Variants in FRMD4A observed in about 807,000 individuals in gnomAD.
FRMD4A encodes FERM domain containing 4A, also known as FERM domain-containing protein 4A.
In FRMD4A, 29 loss-of-function variants were observed where a neutral mutation model predicts 129.1. That is an observed-to-expected ratio of 0.22 (90% CI 0.17 to 0.31). The LOEUF (loss-of-function observed/expected upper bound fraction) is 0.31, where lower values mean the gene tolerates loss of function less well. Among genes scored for constraint, FRMD4A ranks in the 10% least tolerant of loss-of-function variants. The pLI is 1.00. For synonymous variants in FRMD4A, 634 were observed against 571.6 expected (o/e 1.11, Z -1.56); for missense variants, 1,272 against 1,375.8 (o/e 0.92, Z 1.19).
At chr10:13,866,135 C>T (rs2094364659) in intron 2 of FRMD4A, 1 of 164,338 alleles carries the variant, frequency 6.1e-6, no homozygotes, top group East Asian at 1.9e-4. Flanking sequence ...AAACAACCTT[C>T]CAAGATATGC....
intron 2 of FRMD4A, among the ~76,000 whole-genome samples, chr10:14,102,723 A>G (rs1837371683): frequency 6.6e-6 from 1 of 151,630 alleles, no homozygotes; most frequent in Non-Finnish European, 1.5e-5. Flanking sequence ...CTCAAATTAG[A>G]TGGATTTGGC....
At chr10:13,812,700 A>G (rs529462642) in intron 3 of FRMD4A, among the ~76,000 whole-genome samples, 1 of 152,176 alleles carries the variant, frequency 6.6e-6, no homozygotes, top group African/African-American at 2.4e-5. Context: ...GGCCTAGATG[A>G]CCATCAATTC....
intron 2 of FRMD4A, among the ~76,000 whole-genome samples, chr10:13,913,646 C>A (rs2094967381): frequency 6.6e-6 from 1 of 152,108 alleles, no homozygotes; most frequent in South Asian, 2.1e-4. Context: ...TGAGCTCCTG[C>A]AACATGCCAG....
At chr10:14,079,490 G>T (rs1433939582) in intron 2 of FRMD4A, among the ~76,000 whole-genome samples, 4 of 152,146 alleles carry the variant, frequency 2.6e-5, no homozygotes, top group African/African-American at 9.7e-5. Flanking sequence ...TTAAAATTAT[G>T]GTTCCTGATT....
rs117770717 is a variant in FRMD4A, at chr10:13,964,680, T to C, written c.46-105768A>G. 0.019 allele frequency among the ~76,000 whole-genome samples: 2,943 copies of C among 151,426 alleles called. 187 individuals are homozygous for C. The East Asian group carries it at 0.2, about 10-fold the overall frequency. On this transcript the variant is annotated intron_variant, in intron 2 of 24. Coordinates refer to ENST00000357447, the MANE Select transcript of FRMD4A (RefSeq NM_018027.5). Reference sequence around the variant, plus strand: ...AACTAATGCCTCTTCTTTTGTTTTTTTTTTTTTTTTGAGACAGAGTTTCGC... The same window carrying C: ...AACTAATGCCTCTTCTTTTGTTTTTCTTTTTTTTTTGAGACAGAGTTTCGC...
chr10:14,330,873 C>A lies in FRMD4A; in HGVS notation c.-358G>T. 2.5e-6 allele frequency: 1 copy of A among 398,700 alleles called. No homozygotes were observed. The highest frequency in any genetic ancestry group is 1.3e-4 in the South Asian group (1 of 7,846). The allele number at this position is 398,700 out of a possible 1,614,324, so 24.7% of individuals were successfully genotyped here. ...GGAACATGGAATTGCACTGCCTGTT[C>A]TGTGAGCGTTCTGATCTCCCTGGCT... On this transcript the variant is annotated 5_prime_UTR_variant, in exon 1 of 25. The change creates a premature stop within an existing upstream ORF in the 5' untranslated region. Coordinates refer to ENST00000357447, the MANE Select transcript of FRMD4A (RefSeq NM_018027.5).
intron 6 of FRMD4A, among the ~76,000 whole-genome samples, chr10:13,764,928 G>C (rs1455526837): frequency 6.6e-6 from 1 of 152,066 alleles, no homozygotes; most frequent in Non-Finnish European, 1.5e-5. Context: ...GCCGGGAACA[G>C]ACCCCCTACT....
intron 12 of FRMD4A, among the ~76,000 whole-genome samples, chr10:13,724,657 A>C (rs1157167532): frequency 6.6e-6 from 1 of 152,190 alleles, no homozygotes; most frequent in Admixed American, 6.5e-5. Context: ...CTGTAGAGTT[A>C]TTTAGAAGCC....
chr10:14,005,934 G>A (rs1214150231), intron 2 of FRMD4A, among the ~76,000 whole-genome samples: 1 of 152,194 alleles, frequency 6.6e-6, no homozygotes, highest in Non-Finnish European at 1.5e-5. Flanking sequence ...CGCGTCATTA[G>A]ATGCTGTGAG....
chr10:13,930,403 C>A (rs2095179901), intron 2 of FRMD4A, among the ~76,000 whole-genome samples: 1 of 152,204 alleles, frequency 6.6e-6, no homozygotes, highest in South Asian at 2.1e-4. Flanking sequence ...CTGGTCTCTG[C>A]CTGATAAGCC....
At chr10:13,866,178 C>A (rs907337479) in intron 2 of FRMD4A, 3 of 315,766 alleles carry the variant, frequency 9.5e-6, no homozygotes, top group Non-Finnish European at 1.4e-5. Flanking sequence ...ACTCCCCAAA[C>A]CACCTGAAAT....
chr10:13,830,050 C>T lies in FRMD4A; in HGVS notation c.112-19142G>A, dbSNP rs188110355. 4.4e-3 allele frequency among the ~76,000 whole-genome samples: 670 copies of T among 151,628 alleles called. 5 individuals are homozygous for T. The highest frequency in any genetic ancestry group is 0.015 in the African/African-American group (635 of 41,192). ...GTGTGCTTCCCCACATGCCCTAGCT[C>T]TCTCTCTCTCTCTTCCTTTCTCTTA... On this transcript the variant is annotated intron_variant, in intron 3 of 24. Transcript: ENST00000357447.
rs904337372 is a variant in FRMD4A, at chr10:14,212,899, G to T, written c.45+117159C>A. Among the ~76,000 whole-genome samples the T allele has an allele frequency of 3.9e-5, 6 of 152,188 alleles. No individual in the cohort carries two copies. In the East Asian group the frequency reaches 1.2e-3, roughly 29 times the overall value. On this transcript the variant is annotated intron_variant, in intron 2 of 24. Coordinates refer to ENST00000357447, the MANE Select transcript of FRMD4A (RefSeq NM_018027.5). The stretch of plus-strand genomic sequence containing the variant: ...AGTAGATTTCCCTCAAGGGTGTGAA[G>T]CCCTCGGAGAAGTCACTTACGGCAA...
chr10:13,881,009 A>G (rs2094540362), intron 2 of FRMD4A, among the ~76,000 whole-genome samples: 1 of 152,056 alleles, frequency 6.6e-6, no homozygotes, highest in Non-Finnish European at 1.5e-5. Flanking sequence ...ACCAATAGGT[A>G]TGTGTTGAAT....
rs1011046043 is a variant in FRMD4A at position 13,816,288 on chromosome 10, C to T, written c.112-5380G>A. On this transcript the variant is annotated intron_variant, in intron 3 of 24. Coordinates refer to ENST00000357447, the MANE Select transcript of FRMD4A (RefSeq NM_018027.5). ...TGAGGTTACAACTCCTGACTCTTAG[C>T]TGCTTTTAAAGCCACACACATTTTT... is the stretch of plus-strand genomic sequence containing the variant. Among the ~76,000 whole-genome samples, 7 of 152,204 alleles carry T rather than the reference C, an allele frequency of 4.6e-5. 1 individual carries two copies. In the East Asian group the frequency reaches 7.7e-4, roughly 17 times the overall value.
At chr10:13,747,601 A>G in intron 9 of FRMD4A, 135 bp downstream of exon 9, 1 of 441,828 alleles carries the variant, frequency 2.3e-6, no homozygotes, top group Admixed American at 3.7e-5. Context: ...TTTCAGGAAG[A>G]CACAGGGTAC....
chr10:14,324,524 T>C (rs1361487671), intron 2 of FRMD4A, among the ~76,000 whole-genome samples: 1 of 152,228 alleles, frequency 6.6e-6, no homozygotes, highest in Non-Finnish European at 1.5e-5. Context: ...CTGTATACAG[T>C]GGTTTAGGTG....
In FRMD4A at chr10:13,755,272, A is replaced by G. The variant is rs566823183; in HGVS notation, c.464+6375T>C. On this transcript the variant is annotated intron_variant, in intron 8 of 24. Transcript: ENST00000357447. The stretch of plus-strand genomic sequence containing the variant: ...AAGGCACCCTCTGGCCTGGCAAAAA[A>G]GACTTACAAACCTGGAATTTTCGGA... Among the ~76,000 whole-genome samples, 102 of 152,346 alleles carry G rather than the reference A, an allele frequency of 6.7e-4. 2 individuals are homozygous for G. Among genetic ancestry groups the G allele is most frequent in the Admixed American group, 1.9e-3 (29 of 15,308 alleles).
intron 2 of FRMD4A, among the ~76,000 whole-genome samples, chr10:14,276,365 T>G (rs1169562977): frequency 6.6e-6 from 1 of 152,100 alleles, no homozygotes; most frequent in Non-Finnish European, 1.5e-5. Flanking sequence ...CTTGGCAACT[T>G]CCTCTGTGTG....
Sources: allele counts gnomAD v4.1 joint callset (sites outside exome capture counted in the v4.1 genomes callset), GRCh38; gene constraint gnomAD v4.1.1; transcripts MANE v1.5; gene names NCBI Gene and HGNC (gene_info 2026-07-23, HGNC 2026-07-21).